The following RPSA2 variants were observed in gnomAD, a reference collection of about 807,000 sequenced individuals.
RPSA2 encodes the protein ribosomal protein SA 2.
At chr19:23,836,119 C>T in the RPSA2 span, among the ~76,000 whole-genome samples, 1 of 152,096 alleles carries the variant, frequency 6.6e-6, no homozygotes, top group Admixed American at 6.5e-5. Context: ...TACACTGCAT[C>T]ATATATGTTG....
the RPSA2 span, among the ~76,000 whole-genome samples, chr19:23,848,802 C>G: frequency 6.6e-6 from 1 of 152,150 alleles, no homozygotes; most frequent in Non-Finnish European, 1.5e-5. Context: ...GTTGAGAATT[C>G]CACATTTGGG....
chr19:23,790,661 G>A, the RPSA2 span: 4 of 342,948 alleles, frequency 1.2e-5, no homozygotes, highest in African/African-American at 2.2e-5. Flanking sequence ...TCCAGGTGTC[G>A]TCTTCACTGC....
chr19:23,809,258 A>T, the RPSA2 span: 1 of 152,170 alleles, frequency 6.6e-6, no homozygotes, highest in African/African-American at 2.4e-5. Flanking sequence ...TCCTGTTTTC[A>T]TTACCATAGT....
chr19:23,860,398 TCTA>T, the RPSA2 span, among the ~76,000 whole-genome samples: 5 of 152,334 alleles, frequency 3.3e-5, no homozygotes, highest in South Asian at 2.1e-4. Flanking sequence ...CCCACATTCT[TCTA>T]CTCCACATGG....
At chr19:23,762,540 G>A in the RPSA2 span, among the ~76,000 whole-genome samples, 4 of 152,016 alleles carry the variant, frequency 2.6e-5, no homozygotes, top group East Asian at 2.0e-4. Flanking sequence ...CCAGGGCGTG[G>A]TGGCATGCGC....
At chr19:23,867,516 T>A in the RPSA2 span, among the ~76,000 whole-genome samples, 1 of 136,906 alleles carries the variant, frequency 7.3e-6, no homozygotes, top group Non-Finnish European at 1.6e-5. Flanking sequence ...TAACCCAATA[T>A]CAATAACTGG....
At chr19:23,826,522 A>G in the RPSA2 span, among the ~76,000 whole-genome samples, 1 of 151,904 alleles carries the variant, frequency 6.6e-6, no homozygotes, top group Non-Finnish European at 1.5e-5. Flanking sequence ...AGCGTTTTGC[A>G]AACACCACTC....
chr19:23,831,195 C>G, the RPSA2 span, among the ~76,000 whole-genome samples: 1 of 151,926 alleles, frequency 6.6e-6, no homozygotes, highest in African/African-American at 2.4e-5. Flanking sequence ...GAGACTGAAA[C>G]AAGTGTCAGA....
the RPSA2 span, chr19:23,818,076 T>G: frequency 6.6e-6 from 1 of 152,222 alleles, no homozygotes; most frequent in African/African-American, 2.4e-5. Context: ...CATTTCCCCC[T>G]TTGACGCTTT....
At chr19:23,821,818 C>T in the RPSA2 span, among the ~76,000 whole-genome samples, 71 of 152,224 alleles carry the variant, frequency 4.7e-4, no homozygotes, top group African/African-American at 3.4e-4. Flanking sequence ...TGTGAACATT[C>T]GCGTCCCTTT....
chr19:23,780,303 A>T, the RPSA2 span, among the ~76,000 whole-genome samples: 1 of 152,090 alleles, frequency 6.6e-6, no homozygotes, highest in East Asian at 1.9e-4. Context: ...GGAAAAGCCC[A>T]CCGATGAGGC....
chr19:23,836,372 G>C, the RPSA2 span, among the ~76,000 whole-genome samples: 22 of 150,188 alleles, frequency 1.5e-4, no homozygotes, highest in Admixed American at 1.0e-3. Flanking sequence ...CACACACACA[G>C]ACACACACAC....
At chr19:23,797,157 C>A in the RPSA2 span, among the ~76,000 whole-genome samples, 1 of 151,996 alleles carries the variant, frequency 6.6e-6, no homozygotes, top group African/African-American at 2.4e-5. Flanking sequence ...GCTGCCCAGG[C>A]CAAGTGCAAT....
chr19:23,811,110 C>T, the RPSA2 span, among the ~76,000 whole-genome samples: 3 of 151,806 alleles, frequency 2.0e-5, no homozygotes, highest in Admixed American at 6.6e-5. Context: ...CCTCCGGCTC[C>T]CAGGTTCAAG....
chr19:23,853,139 A>G, the RPSA2 span, among the ~76,000 whole-genome samples: 149,010 of 152,340 alleles, frequency 0.98, 72,970 homozygotes, highest in Middle Eastern at 1. Context: ...TTGATAATGA[A>G]CTGCAGGCTC....
At chr19:23,827,288 A>G in the RPSA2 span, 48 of 1,202,556 alleles carry the variant, frequency 4.0e-5, no homozygotes, top group Admixed American at 7.8e-4. Flanking sequence ...TAAAAGGAAA[A>G]GTGATGGCAT....
the RPSA2 span, among the ~76,000 whole-genome samples, chr19:23,848,050 C>T: frequency 4.6e-5 from 7 of 152,080 alleles, no homozygotes; most frequent in African/African-American, 1.4e-4. Flanking sequence ...TGTTCAAACA[C>T]GCATGTTTTA....
chr19:23,811,632 C>T, the RPSA2 span, among the ~76,000 whole-genome samples: 1 of 151,930 alleles, frequency 6.6e-6, no homozygotes. Flanking sequence ...CTAGAATTTA[C>T]GTGTTGTGCC....
the RPSA2 span, among the ~76,000 whole-genome samples, chr19:23,785,012 T>C: frequency 6.6e-6 from 1 of 152,262 alleles, no homozygotes; most frequent in Non-Finnish European, 1.5e-5. Flanking sequence ...TCCTGGACTT[T>C]CTTTCAGATG....
Sources: allele counts gnomAD v4.1 joint callset (sites outside exome capture counted in the v4.1 genomes callset), GRCh38; gene constraint gnomAD v4.1.1; transcripts MANE v1.5; gene names NCBI Gene and HGNC (gene_info 2026-07-23, HGNC 2026-07-21).